AGBL1: variants seen among roughly 807,000 people sequenced by gnomAD.
AGBL1 encodes AGBL carboxypeptidase 1.
In AGBL1, 130 loss-of-function variants were observed where a neutral mutation model predicts 118.9. The ratio of observed to expected loss-of-function variants is 1.09; its 90% CI spans 0.95 to 1.26. AGBL1 has a LOEUF of 1.26. AGBL1 is among the 50% of genes most tolerant of loss of function. AGBL1 has a pLI of 0.00. For synonymous variants in AGBL1, 555 were observed against 478.9 expected, an observed-to-expected ratio of 1.16 and a Z score of -2.08; for missense variants, 1,584 against 1,298.1, an observed-to-expected ratio of 1.22 and a Z score of -3.38.
intron 23 of AGBL1, among the ~76,000 whole-genome samples, chr15:86,945,665 C>A (rs1022642480): frequency 2.6e-5 from 4 of 151,862 alleles, no homozygotes; most frequent in African/African-American, 9.7e-5. Flanking sequence ...AGAGTGAGAC[C>A]CCATCTCAAA....
intron 23 of AGBL1, among the ~76,000 whole-genome samples, chr15:86,979,644 A>C (rs371386313): frequency 6.8e-6 from 1 of 147,992 alleles, no homozygotes. Context: ...GCCCGCCACC[A>C]CGCCCGGCTA....
intron 22 of AGBL1, among the ~76,000 whole-genome samples, chr15:86,792,904 T>C (rs2078515782): frequency 6.6e-6 from 1 of 152,172 alleles, no homozygotes; most frequent in South Asian, 2.1e-4. Flanking sequence ...AATATAGATA[T>C]TTGTCTCTTC....
At chr15:86,789,751 G>T (rs1392318815) in intron 22 of AGBL1, among the ~76,000 whole-genome samples, 3 of 152,132 alleles carry the variant, frequency 2.0e-5, no homozygotes, top group Admixed American at 2.0e-4. Flanking sequence ...TGAAAGAGTA[G>T]GGGAATGTTC....
chr15:86,910,849 T>G lies in AGBL1; in HGVS notation c.*3555T>G, dbSNP rs1410628243. On this transcript the variant is annotated 3_prime_UTR_variant, in exon 23 of 23. Coordinates refer to ENST00000614907, the MANE Select transcript of AGBL1 (RefSeq NM_001386094.1). The stretch of plus-strand genomic sequence containing the variant: ...AATTGATTGGAGGGAAGAGGGGACT[T>G]GGGAGCAGACCTCTCTCCTTTCCTG... The G allele has an allele frequency of 6.6e-6, 1 of 152,132 alleles. No homozygotes were observed. The highest frequency in any genetic ancestry group is 2.4e-5 in the African/African-American group (1 of 41,412). The allele number at this position is 152,132 out of a possible 1,614,324, so 9.4% of individuals were successfully genotyped here. A position where few individuals can be genotyped will look rare whatever the true frequency, so the allele number is the denominator to read the frequency against.
At chr15:86,727,994 A>G (rs1156871553) in intron 22 of AGBL1, among the ~76,000 whole-genome samples, 1 of 152,216 alleles carries the variant, frequency 6.6e-6, no homozygotes, top group Non-Finnish European at 1.5e-5. Context: ...AAGTTCCTTG[A>G]TCTCCCTTTA....
intron 6 of AGBL1, among the ~76,000 whole-genome samples, chr15:86,236,952 C>CGGGGGGG (rs1398987301): frequency 2.9e-4 from 3 of 10,304 alleles, no homozygotes; most frequent in African/African-American, 9.7e-4. Flanking sequence ...CGGGGGGGGG[C>CGGGGGGG]GGGGGGGCGC....
chr15:86,476,643 C>T (rs941946677), intron 18 of AGBL1, among the ~76,000 whole-genome samples: 1 of 152,158 alleles, frequency 6.6e-6, no homozygotes. Flanking sequence ...GAGAATTTAA[C>T]ACCCTACTGT....
At position 86,685,135 on chromosome 15, in the gene AGBL1, C is replaced by T. The variant is rs557711971; in HGVS notation, c.3158+10699C>T. On this transcript the variant is annotated intron_variant, in intron 22 of 22. Coordinates refer to ENST00000614907, the MANE Select transcript of AGBL1 (RefSeq NM_001386094.1). ...CAAAGTAGAATCCGATACAAGACGA[C>T]CCTTTACAAGGGGCTTAAATGTTCT... 1.1e-4 allele frequency among the ~76,000 whole-genome samples: 16 copies of T among 152,238 alleles called. No homozygotes were observed. The South Asian group carries it at 2.1e-3, about 20-fold the overall frequency.
intron 16 of AGBL1, among the ~76,000 whole-genome samples, chr15:86,291,399 A>G (rs1278082240): frequency 6.6e-6 from 1 of 152,132 alleles, no homozygotes; most frequent in African/African-American, 2.4e-5. Flanking sequence ...CACACACCAC[A>G]CAGAGACACA....
chr15:86,901,468 T>C (rs2080211143), intron 22 of AGBL1, among the ~76,000 whole-genome samples: 1 of 152,160 alleles, frequency 6.6e-6, no homozygotes. Context: ...ATAGTTTGTA[T>C]ACATAATGGT....
intron 23 of AGBL1, among the ~76,000 whole-genome samples, chr15:86,969,088 A>G (rs2081082328): frequency 6.6e-6 from 1 of 151,950 alleles, no homozygotes; most frequent in African/African-American, 2.4e-5. Context: ...TCCTTCTCAT[A>G]TGCAAACTAT....
intron 18 of AGBL1, among the ~76,000 whole-genome samples, chr15:86,426,554 G>A (rs150840402): frequency 7.1e-4 from 108 of 152,280 alleles, no homozygotes; most frequent in Admixed American, 2.6e-3. Context: ...AGATGGAACC[G>A]GCCAACAACT....
intron 5 of AGBL1, chr15:86,173,144 T>A (rs2077437691): frequency 6.6e-6 from 1 of 152,194 alleles, no homozygotes; most frequent in Non-Finnish European, 1.5e-5. Flanking sequence ...GCCACCTGTA[T>A]GTCTTCTTTT....
At chr15:86,713,952 T>A (rs2086600056) in intron 22 of AGBL1, among the ~76,000 whole-genome samples, 1 of 152,198 alleles carries the variant, frequency 6.6e-6, no homozygotes, top group Admixed American at 6.5e-5. Flanking sequence ...ATGATGGGTG[T>A]CTACGTGTGT....
chr15:86,371,685 G>A (rs909975128), intron 17 of AGBL1, among the ~76,000 whole-genome samples: 2 of 152,106 alleles, frequency 1.3e-5, no homozygotes, highest in African/African-American at 4.8e-5. Context: ...GTGTGTCCCA[G>A]TTTCCAACAC....
At chr15:86,154,203 A>T (rs971632201) in intron 3 of AGBL1, among the ~76,000 whole-genome samples, 1 of 152,200 alleles carries the variant, frequency 6.6e-6, no homozygotes, top group Non-Finnish European at 1.5e-5. Context: ...CTTGAGAGTT[A>T]TTCAACCCAC....
intron 21 of AGBL1, among the ~76,000 whole-genome samples, chr15:86,657,263 C>T (rs755045304): frequency 6.6e-6 from 1 of 152,150 alleles, no homozygotes; most frequent in Non-Finnish European, 1.5e-5. Context: ...TGACTGTGTG[C>T]CTCCTGGCCA....
At chr15:87,029,048 C>A in exon 25 of AGBL1, 1 of 522,598 alleles carries the variant, frequency 1.9e-6, no homozygotes, top group Non-Finnish European at 3.4e-6. Flanking sequence ...TAGACTCCAC[C>A]TATTTGGTTC....
chr15:86,178,226 T>A (rs148607219), intron 5 of AGBL1, among the ~76,000 whole-genome samples: 3 of 152,268 alleles, frequency 2.0e-5, no homozygotes, highest in Non-Finnish European at 4.4e-5. Context: ...GGCAGGAGAA[T>A]CCCTTGAACC....
Sources: allele counts gnomAD v4.1 joint callset (sites outside exome capture counted in the v4.1 genomes callset), GRCh38; gene constraint gnomAD v4.1.1; transcripts MANE v1.5; gene names NCBI Gene and HGNC (gene_info 2026-07-23, HGNC 2026-07-21).